CHCHD3: variants seen among roughly 807,000 people sequenced by gnomAD.
The protein encoded by CHCHD3 is MICOS complex subunit MIC19.
Under a neutral mutation model 38.2 loss-of-function variants are expected in CHCHD3, and 20 were observed. The ratio of observed to expected loss-of-function variants is 0.52; its 90% CI spans 0.37 to 0.76. The LOEUF is 0.76. Among genes scored for constraint, CHCHD3 ranks in the 30% least tolerant of loss-of-function variants. The pLI is 0.00. For synonymous variants in CHCHD3, 82 were observed against 100.0 expected (o/e 0.82, Z 1.07); for missense variants, 245 against 279.2 (o/e 0.88, Z 0.87).
chr7:132,885,320 T>G (rs898501038), intron 5 of CHCHD3, among the ~76,000 whole-genome samples: 4 of 152,236 alleles, frequency 2.6e-5, no homozygotes, highest in Admixed American at 2.0e-4. Context: ...CTACCATTTT[T>G]AAGAGTGTAC....
intron 5 of CHCHD3, among the ~76,000 whole-genome samples, chr7:132,852,914 C>A (rs1320195282): frequency 6.6e-6 from 1 of 152,174 alleles, no homozygotes; most frequent in African/African-American, 2.4e-5. Flanking sequence ...ATAAATAATT[C>A]ATTCTGATTC....
intron 6 of CHCHD3, among the ~76,000 whole-genome samples, chr7:132,821,899 A>T (rs1034602679): frequency 5.8e-4 from 88 of 151,828 alleles, no homozygotes; most frequent in Non-Finnish European, 2.1e-4. Flanking sequence ...AGTAGCTGGG[A>T]CTACAGGCGC....
intron 6 of CHCHD3, among the ~76,000 whole-genome samples, chr7:132,821,247 A>C (rs949041618): frequency 3.3e-5 from 5 of 152,188 alleles, no homozygotes; most frequent in Non-Finnish European, 7.3e-5. Context: ...ACTGCTTAGG[A>C]TATGCTAAAA....
chr7:132,849,853 A>G (rs1438935635), intron 5 of CHCHD3, among the ~76,000 whole-genome samples: 1 of 152,184 alleles, frequency 6.6e-6, no homozygotes, highest in Non-Finnish European at 1.5e-5. Context: ...GACCTTAAAG[A>G]GCAAAAGCCT....
In CHCHD3 at chr7:133,010,858, C is replaced by T. The variant is rs576307482; in HGVS notation, c.251+13688G>A. Among the ~76,000 whole-genome samples the T allele has an allele frequency of 4.4e-4, 67 of 152,220 alleles. 1 individual carries two copies. Among genetic ancestry groups the T allele is most frequent in the African/African-American group, 1.6e-3 (66 of 41,538 alleles). On this transcript the variant is annotated intron_variant, in intron 3 of 7. Transcript: ENST00000262570. ...CCTCCCAAAGTGCTGGGATTACAGGCATGCCCAGCCCTCATAAACTTTTAT... is the reference window on the plus strand; with the variant it reads ...CCTCCCAAAGTGCTGGGATTACAGGTATGCCCAGCCCTCATAAACTTTTAT...
intron 3 of CHCHD3, among the ~76,000 whole-genome samples, chr7:133,021,007 C>T (rs1180185788): frequency 6.6e-6 from 1 of 152,090 alleles, no homozygotes; most frequent in Non-Finnish European, 1.5e-5. Flanking sequence ...ACGTGCATTA[C>T]AGAATGTTAA....
chr7:132,938,194 C>T (rs1379634803), intron 4 of CHCHD3, among the ~76,000 whole-genome samples: 1 of 152,150 alleles, frequency 6.6e-6, no homozygotes, highest in African/African-American at 2.4e-5. Flanking sequence ...AAGGCACTTT[C>T]ATCTACATTA....
At chr7:133,078,527 C>G (rs981732966) in intron 1 of CHCHD3, among the ~76,000 whole-genome samples, 5 of 151,922 alleles carry the variant, frequency 3.3e-5, no homozygotes, top group African/African-American at 1.2e-4. Flanking sequence ...TAATTGCCAA[C>G]ATATTTATAT....
chr7:132,955,007 T>C (rs1286427835), intron 4 of CHCHD3, among the ~76,000 whole-genome samples: 1 of 152,024 alleles, frequency 6.6e-6, no homozygotes, highest in Non-Finnish European at 1.5e-5. Flanking sequence ...AATTGCAAAG[T>C]GGGAAGCCAT....
At chr7:133,014,920 A>G (rs2117420166) in intron 3 of CHCHD3, among the ~76,000 whole-genome samples, 1 of 152,340 alleles carries the variant, frequency 6.6e-6, no homozygotes, top group African/African-American at 2.4e-5. Flanking sequence ...GCAGGGCACC[A>G]GCTGCTTCCA....
chr7:132,872,478 G>A (rs1163877179), intron 5 of CHCHD3, among the ~76,000 whole-genome samples: 1 of 152,164 alleles, frequency 6.6e-6, no homozygotes, highest in Non-Finnish European at 1.5e-5. Flanking sequence ...TTTCCCCACA[G>A]TACAGGGCCA....
intron 3 of CHCHD3, among the ~76,000 whole-genome samples, chr7:132,979,854 T>A (rs1811872655): frequency 6.6e-6 from 1 of 152,192 alleles, no homozygotes; most frequent in Non-Finnish European, 1.5e-5. Context: ...CCATTCTCCA[T>A]TTCCCCAACC....
chr7:132,938,899 G>A (rs1005807822), intron 4 of CHCHD3, among the ~76,000 whole-genome samples: 2 of 152,158 alleles, frequency 1.3e-5, no homozygotes, highest in Non-Finnish European at 2.9e-5. Flanking sequence ...TTTGGGAGCA[G>A]GGGACACTTG....
chr7:132,948,678 T>A (rs564880377), intron 4 of CHCHD3, among the ~76,000 whole-genome samples: 4 of 152,260 alleles, frequency 2.6e-5, no homozygotes, highest in Middle Eastern at 6.8e-3. Flanking sequence ...AATGGCTTTT[T>A]AAGATATTTT....
intron 6 of CHCHD3, among the ~76,000 whole-genome samples, chr7:132,816,848 T>C (rs1365472567): frequency 2.6e-5 from 4 of 152,184 alleles, no homozygotes; most frequent in African/African-American, 4.8e-5. Context: ...CTTGAGAGGA[T>C]TGCCTCCCAC....
chr7:132,848,614 C>T (rs145371908), intron 5 of CHCHD3, among the ~76,000 whole-genome samples: 5 of 152,104 alleles, frequency 3.3e-5, no homozygotes, highest in Non-Finnish European at 7.4e-5. Flanking sequence ...TTTTTTTAAT[C>T]AGTAATAGTC....
intron 3 of CHCHD3, among the ~76,000 whole-genome samples, chr7:132,989,102 G>A (rs2117366203): frequency 6.6e-6 from 1 of 152,174 alleles, no homozygotes; most frequent in Middle Eastern, 3.4e-3. Context: ...TTTATATAAG[G>A]AACTTGAGCA....
intron 3 of CHCHD3, among the ~76,000 whole-genome samples, chr7:133,006,461 C>T (rs1026047979): frequency 4.1e-5 from 6 of 147,694 alleles, no homozygotes; most frequent in African/African-American, 1.0e-4. Flanking sequence ...AGCAAGACTC[C>T]GTCTCATAAA....
At chr7:133,069,089 G>C (rs900627074) in intron 2 of CHCHD3, among the ~76,000 whole-genome samples, 1 of 152,054 alleles carries the variant, frequency 6.6e-6, no homozygotes, top group African/African-American at 2.4e-5. Context: ...TAGGGTGAAA[G>C]GAAAACCAAG....
Sources: allele counts gnomAD v4.1 joint callset (sites outside exome capture counted in the v4.1 genomes callset), GRCh38; gene constraint gnomAD v4.1.1; transcripts MANE v1.5; gene names NCBI Gene and HGNC (gene_info 2026-07-23, HGNC 2026-07-21).